Variants in HDLBP observed in about 807,000 individuals in gnomAD.
The protein encoded by HDLBP is vigilin.
A neutral mutation model predicts 137.3 loss-of-function variants in HDLBP; 30 were observed. The observed-to-expected ratio is 0.22, with a 90% CI of 0.16 to 0.30. HDLBP has a LOEUF of 0.30. Ranked by LOEUF, HDLBP falls within the 10% of genes least tolerant of loss-of-function variation. The pLI is 1.00. For synonymous variants in HDLBP, 606 were observed against 596.0 expected (o/e 1.02, Z -0.24); for missense variants, 1,119 against 1,667.3 (o/e 0.67, Z 5.73).
At chr2:241,267,234 CA>C (rs201378918) in intron 2 of HDLBP, among the ~76,000 whole-genome samples, 23 of 151,034 alleles carry the variant, frequency 1.5e-4, no homozygotes, top group African/African-American at 4.6e-4. Flanking sequence ...ACAAAACAAA[CA>C]AAAAAAAACC....
intron 11 of HDLBP, 115 bp downstream of exon 11, chr2:241,252,842 T>A: frequency 1.5e-6 from 1 of 650,786 alleles, no homozygotes; most frequent in Non-Finnish European, 2.7e-6. Flanking sequence ...TAACTCCCAT[T>A]ACAGGCAGCA....
intron 1 of HDLBP, among the ~76,000 whole-genome samples, chr2:241,311,837 C>G (rs2075766187): frequency 6.6e-6 from 1 of 152,204 alleles, no homozygotes; most frequent in South Asian, 2.1e-4. Context: ...AAGGATATAT[C>G]ACTTTGGGCA....
At chr2:241,285,554 A>AC (rs2074772835) in intron 1 of HDLBP, among the ~76,000 whole-genome samples, 1 of 152,162 alleles carries the variant, frequency 6.6e-6, no homozygotes. Flanking sequence ...ACCGATCCCC[A>AC]CCAGTGATGA....
chr2:241,230,701 C>T lies in HDLBP; in HGVS notation c.3474+58G>A. ...GCCATGCCCTGCTCTTTCTTCTGGCCAGCCAGGTGCCCCCGGTGAGAGAGG... is the reference window on the plus strand; with the variant it reads ...GCCATGCCCTGCTCTTTCTTCTGGCTAGCCAGGTGCCCCCGGTGAGAGAGG... On this transcript the variant is annotated intron_variant, in intron 25 of 27. Coordinates refer to ENST00000310931, the MANE Select transcript of HDLBP (RefSeq NM_005336.6). The surrounding 1 kb of genome is among the most constrained non-coding windows in gnomAD (Gnocchi z 5.0). 1 of 1,493,434 alleles carries T rather than the reference C, an allele frequency of 6.7e-7. No homozygotes were observed. Among genetic ancestry groups the T allele is most frequent in the Non-Finnish European group, 9.3e-7 (1 of 1,079,658 alleles). The allele number at this position is 1,493,434 out of a possible 1,614,324, so 92.5% of individuals were successfully genotyped here.
At position 241,236,763 on chromosome 2, in the gene HDLBP, C is replaced by T; in HGVS notation, c.2756G>A (p.Ser919Asn). The T allele has an allele frequency of 1.2e-6, 2 of 1,614,064 alleles. No individual in the cohort carries two copies. The highest frequency in any genetic ancestry group is 1.1e-5 in the South Asian group (1 of 91,066). The stretch of plus-strand genomic sequence containing the variant: ...ATTCTCCTGGACAACTGGCTCTGTA[C>T]TGTGAACTAGAGAGAAAGGGGAAAA... ...FPDREENAVH[S>N]TEPVVQENGD... The change falls in exon 21 of 28, where the codon AGT (serine) becomes AAT (asparagine). Residue 919 changes from serine to asparagine, a missense_variant. Coordinates refer to ENST00000310931, the MANE Select transcript of HDLBP (RefSeq NM_005336.6).
chr2:241,303,478 C>A (rs916073334), intron 1 of HDLBP, among the ~76,000 whole-genome samples: 1 of 152,342 alleles, frequency 6.6e-6, no homozygotes, highest in South Asian at 2.1e-4. Context: ...TGCTACACAA[C>A]ACAGCTGTAT....
chr2:241,283,313 C>T (rs954842481), intron 1 of HDLBP, among the ~76,000 whole-genome samples: 4 of 152,220 alleles, frequency 2.6e-5, no homozygotes, highest in Admixed American at 6.5e-5. Context: ...TGAAAGTGCA[C>T]GGTGAAGCAG....
At chr2:241,255,809 G>C (rs2149483392) in intron 7 of HDLBP, among the ~76,000 whole-genome samples, 1 of 152,306 alleles carries the variant, frequency 6.6e-6, no homozygotes, top group South Asian at 2.1e-4. Context: ...CTTCGTCCTT[G>C]AACACTGCAA....
chr2:241,267,615 C>T (rs2073776739), intron 2 of HDLBP: 5 of 1,535,596 alleles, frequency 3.3e-6, no homozygotes, highest in Non-Finnish European at 4.4e-6. Flanking sequence ...ACAGTTGCTA[C>T]AAAAAGCCAG....
intron 1 of HDLBP, among the ~76,000 whole-genome samples, chr2:241,299,505 CAAA>C (rs11423330): frequency 1.0e-4 from 5 of 49,592 alleles, no homozygotes; most frequent in African/African-American, 1.5e-4. Context: ...GGCTCCGTCT[CAAA>C]AAAAAAAAAA....
At chr2:241,287,172 G>A (rs971789435) in intron 1 of HDLBP, among the ~76,000 whole-genome samples, 9 of 150,758 alleles carry the variant, frequency 6.0e-5, no homozygotes, top group South Asian at 2.1e-4. Context: ...GTGCAGTGGC[G>A]TGATCTTGGC....
intron 23 of HDLBP, among the ~76,000 whole-genome samples, chr2:241,234,341 G>A (rs1489969223): frequency 6.6e-6 from 1 of 152,164 alleles, no homozygotes; most frequent in Non-Finnish European, 1.5e-5. Flanking sequence ...TTTTAGGACT[G>A]GGGCAGATGC....
chr2:241,274,037 G>A lies in HDLBP; in HGVS notation c.-102-5496C>T, dbSNP rs549053662. Among the ~76,000 whole-genome samples the A allele has an allele frequency of 2.0e-5, 3 of 152,314 alleles. No homozygotes were observed. In the South Asian group the frequency reaches 6.2e-4, roughly 32 times the overall value. On this transcript the variant is annotated intron_variant, in intron 1 of 27. Transcript: ENST00000310931. ...CCAAGAAGTTCCTTATTGACCAGAA[G>A]AGGGGTGTAAAAGAAGTTAAGAAAG...
At chr2:241,247,454 C>T (rs2071771032) in intron 14 of HDLBP, 1 of 366,242 alleles carries the variant, frequency 2.7e-6, no homozygotes, top group Non-Finnish European at 5.1e-6. Context: ...ACGCTCTGGG[C>T]AATTCTGCAC....
intron 10 of HDLBP, 112 bp downstream of exon 10, chr2:241,253,281 C>G: frequency 1.2e-6 from 1 of 807,422 alleles, no homozygotes; most frequent in Non-Finnish European, 2.2e-6. Flanking sequence ...AGCTAGGATG[C>G]CCTGGGTGTC....
At chr2:241,274,045 TA>T (rs2074297354) in intron 1 of HDLBP, among the ~76,000 whole-genome samples, 1 of 151,980 alleles carries the variant, frequency 6.6e-6, no homozygotes, top group Admixed American at 6.6e-5. Flanking sequence ...AAGAGGGGTG[TA>T]AAAGAAGTTA....
chr2:241,242,719 T>A (rs2071365002), intron 16 of HDLBP, 41 bp from the exon 17 acceptor site: 2 of 1,551,414 alleles, frequency 1.3e-6, no homozygotes, highest in Non-Finnish European at 1.8e-6. Context: ...GTCACATTTT[T>A]GTGGCAAAAA....
Position 241,228,880 on chromosome 2 carries a change from G to GGAGGGCAGAAGCCCGC in HDLBP, c.*720_*721insGCGGGCTTCTGCCCTC. The GGAGGGCAGAAGCCCGC allele has an allele frequency of 6.5e-6, 1 of 153,004 alleles. No individual in the cohort carries two copies. The highest frequency in any genetic ancestry group is 1.5e-5 in the Non-Finnish European group (1 of 68,344). The allele number at this position is 153,004 out of a possible 1,614,324, so 9.5% of individuals were successfully genotyped here. A position where few individuals can be genotyped will look rare whatever the true frequency, so the allele number is the denominator to read the frequency against. ...CACTGTGACGGCCACAGGGGACCCA[G>GGAGGGCAGAAGCCCGC]ATGGTGCCTACCACCTTGCCTCCAG... On this transcript the variant is annotated 3_prime_UTR_variant, in exon 28 of 28. Coordinates refer to ENST00000310931, the MANE Select transcript of HDLBP (RefSeq NM_005336.6).
chr2:241,276,331 T>C (rs1404041298), intron 1 of HDLBP, among the ~76,000 whole-genome samples: 1 of 152,180 alleles, frequency 6.6e-6, no homozygotes, highest in Non-Finnish European at 1.5e-5. Flanking sequence ...GATTAGGTGG[T>C]AGGTTCAGCG....
Sources: allele counts gnomAD v4.1 joint callset (sites outside exome capture counted in the v4.1 genomes callset), GRCh38; gene constraint gnomAD v4.1.1; non-coding constraint Gnocchi (gnomAD v3.1); transcripts MANE v1.5; gene names NCBI Gene and HGNC (gene_info 2026-07-23, HGNC 2026-07-21).